LARP4B: variants seen among roughly 807,000 people sequenced by gnomAD.
LARP4B encodes the protein La ribonucleoprotein 4B.
In LARP4B, 12 loss-of-function variants were observed where a neutral mutation model predicts 89.8. That is an observed-to-expected ratio of 0.13 (90% CI 0.09 to 0.22). The LOEUF is 0.22. Ranked by LOEUF, LARP4B falls within the 10% of genes least tolerant of loss-of-function variation. The pLI, the probability that LARP4B is intolerant of heterozygous loss-of-function variation, is 1.00. For missense variants in LARP4B, 757 were observed against 947.7 expected (o/e 0.80, Z 2.64); for synonymous variants, 367 against 363.3 (o/e 1.01, Z -0.12).
chr10:912,708 CAAAAAAAA>C (rs60998261), intron 1 of LARP4B, among the ~76,000 whole-genome samples: 11 of 91,248 alleles, frequency 1.2e-4, no homozygotes, highest in Admixed American at 7.8e-4. Context: ...CTCGTCTTGA[CAAAAAAAA>C]AAAAAAAAAA....
intron 1 of LARP4B, among the ~76,000 whole-genome samples, chr10:920,547 GC>G (rs1388743874): frequency 6.6e-6 from 1 of 152,174 alleles, no homozygotes; most frequent in Non-Finnish European, 1.5e-5. Flanking sequence ...GCCAAGGCAG[GC>G]AGATCACTTG....
At chr10:867,885 A>AC (rs1404521307) in intron 3 of LARP4B, among the ~76,000 whole-genome samples, 3 of 150,538 alleles carry the variant, frequency 2.0e-5, no homozygotes, top group African/African-American at 7.4e-5. Context: ...AAAAAAAAAA[A>AC]ACTCCAGTGT....
chr10:884,413 A>T (rs1835789444), intron 3 of LARP4B, 34 bp downstream of exon 3: 11 of 1,416,062 alleles, frequency 7.8e-6, no homozygotes, highest in Non-Finnish European at 1.1e-5. Context: ...GACTGTGATT[A>T]AAAAATCTGT....
At chr10:831,246 A>G (rs958903473) in intron 8 of LARP4B, among the ~76,000 whole-genome samples, 2 of 151,026 alleles carry the variant, frequency 1.3e-5, no homozygotes, top group African/African-American at 2.4e-5. Flanking sequence ...GAAAACTATC[A>G]TATCATGTTC....
At chr10:844,003 T>C (rs1833656231) in intron 6 of LARP4B, among the ~76,000 whole-genome samples, 1 of 152,352 alleles carries the variant, frequency 6.6e-6, no homozygotes, top group Admixed American at 6.5e-5. Flanking sequence ...CAAGGCATCA[T>C]GTAATGTAGT....
chr10:960,560 A>T, the LARP4B span, among the ~76,000 whole-genome samples: 4 of 151,914 alleles, frequency 2.6e-5, no homozygotes, highest in South Asian at 2.1e-4. Flanking sequence ...TATAAAAAAA[A>T]TTAGCTGGGT....
At chr10:884,967 T>G (rs2131931356) in intron 2 of LARP4B, among the ~76,000 whole-genome samples, 1 of 152,344 alleles carries the variant, frequency 6.6e-6, no homozygotes, top group East Asian at 1.9e-4. Context: ...TTTGTTATCA[T>G]CTACTACTTA....
chr10:950,836 T>C, the LARP4B span, among the ~76,000 whole-genome samples: 1,279 of 152,300 alleles, frequency 8.4e-3, 22 homozygotes, highest in African/African-American at 0.029. Flanking sequence ...ATGTTTGTCA[T>C]GTATCCTGTG....
intron 5 of LARP4B, among the ~76,000 whole-genome samples, chr10:856,449 T>C (rs956517484): frequency 6.6e-6 from 1 of 152,218 alleles, no homozygotes; most frequent in African/African-American, 2.4e-5. Flanking sequence ...TCTTAGATCC[T>C]ACGTAAAGTC....
chr10:864,421 A>AT, intron 3 of LARP4B, 151 bp from the exon 4 acceptor site: 1 of 665,152 alleles, frequency 1.5e-6, no homozygotes, highest in Non-Finnish European at 2.4e-6. Context: ...CAGGTTCAAA[A>AT]TTAAAAAAAA....
At chr10:973,803 T>A in the LARP4B span, among the ~76,000 whole-genome samples, 2 of 152,164 alleles carry the variant, frequency 1.3e-5, no homozygotes, top group Non-Finnish European at 2.9e-5. Flanking sequence ...TTAGCCCTCA[T>A]GAATAACATG....
the LARP4B span, chr10:987,922 G>T: frequency 6.6e-6 from 1 of 152,446 alleles, no homozygotes; most frequent in African/African-American, 2.4e-5. Flanking sequence ...CCTCACCACG[G>T]CCCGGGATCA....
the LARP4B span, among the ~76,000 whole-genome samples, chr10:958,966 A>G: frequency 6.6e-6 from 1 of 152,212 alleles, no homozygotes. Context: ...GAGCAACTTC[A>G]GCCAGGATGG....
chr10:985,940 G>C, the LARP4B span: 6 of 152,224 alleles, frequency 3.9e-5, no homozygotes, highest in African/African-American at 1.4e-4. Context: ...ATGTACACAA[G>C]GAAGCATCTA....
rs1369179660 is a variant in LARP4B, at chr10:884,516, T to C, written c.82-10A>G. 1.3e-6 allele frequency: 2 copies of C among 1,584,580 alleles called. No individual in the cohort carries two copies. The highest frequency in any genetic ancestry group is 2.2e-5 in the East Asian group (1 of 44,642). ...ATATAGGACCATTCATCTGTAAAAT[T>C]GAAAACAAAGACAACATCAGTACAA... On this transcript the variant is annotated splice_polypyrimidine_tract_variant and intron_variant, in intron 2 of 17. Transcript: ENST00000316157.
intron 3 of LARP4B, among the ~76,000 whole-genome samples, chr10:874,378 A>G (rs561302733): frequency 2.6e-5 from 4 of 152,244 alleles, no homozygotes; most frequent in Non-Finnish European, 5.9e-5. Flanking sequence ...GGAAGGAACA[A>G]GAAAAAAAAG....
In LARP4B at chr10:822,160, T is replaced by C. The variant is rs1321081800; in HGVS notation, c.1485-1315A>G. On this transcript the variant is annotated intron_variant, in intron 13 of 17. Coordinates refer to ENST00000316157, the MANE Select transcript of LARP4B (RefSeq NM_015155.3). The surrounding 1 kb of genome is among the most constrained non-coding windows in gnomAD (Gnocchi z 4.6). Reference sequence around the variant, plus strand: ...TTCAGAAGTAGTGGAAAGGTGGGGCTACAATGACCCATGAGCAGAGCTAGG... The same window carrying C: ...TTCAGAAGTAGTGGAAAGGTGGGGCCACAATGACCCATGAGCAGAGCTAGG... Among the ~76,000 whole-genome samples, 1 of 152,142 alleles carries C rather than the reference T, an allele frequency of 6.6e-6. No homozygotes were observed. Among genetic ancestry groups the C allele is most frequent in the African/African-American group, 2.4e-5 (1 of 41,400 alleles).
upstream of LARP4B, among the ~76,000 whole-genome samples, chr10:934,167 A>G (rs980924848): frequency 6.6e-5 from 10 of 151,996 alleles, no homozygotes; most frequent in African/African-American, 1.9e-4. Context: ...GTCTATGTCT[A>G]CATTCCAGCA....
rs148251856 is a variant in LARP4B at position 825,806 on chromosome 10, G to A, written c.1190C>T (p.Ala397Val). The A allele has an allele frequency of 1.9e-4, 299 of 1,613,848 alleles. No homozygotes were observed. The highest frequency in any genetic ancestry group is 2.4e-4 in the Non-Finnish European group (283 of 1,179,840). Residue 397 changes from alanine (A) to valine (V), a missense_variant, in exon 12 of 18, where the codon GCG becomes GTG. Around this residue, in one of 5 missense-constraint regions of LARP4B, gnomAD observed 137 missense variants for 213.9 expected, o/e 0.64. Transcript: ENST00000316157. ...CTGTCTGAGAGAAGTCAGAGGAGAC[G>A]CCGCAGGCTTGAACGCTGGAGACGT... is the stretch of plus-strand genomic sequence containing the variant. ...GFTSPAFKPA[A>V]SPLTSLRQYP...
Sources: allele counts gnomAD v4.1 joint callset (sites outside exome capture counted in the v4.1 genomes callset), GRCh38; gene constraint gnomAD v4.1.1; regional missense constraint gnomAD v4.1.1; non-coding constraint Gnocchi (gnomAD v3.1); transcripts MANE v1.5; gene names NCBI Gene and HGNC (gene_info 2026-07-23, HGNC 2026-07-21).